The following SAMD5 variants were observed in gnomAD, a reference collection of about 807,000 sequenced individuals.
SAMD5 encodes the protein sterile alpha motif domain-containing protein 5.
A neutral mutation model predicts 11.3 loss-of-function variants in SAMD5; 13 were observed. That is an observed-to-expected ratio of 1.15 (90% CI 0.75 to 1.83). The LOEUF (loss-of-function observed/expected upper bound fraction) is 1.83, where lower values mean the gene tolerates loss of function less well. SAMD5 is among the 40% of genes most tolerant of loss of function. The pLI is 0.00. For missense variants in SAMD5, 255 were observed against 239.1 expected (o/e 1.07, Z -0.44); for synonymous variants, 129 against 111.3 (o/e 1.16, Z -1.00).
At chr6:147,816,302 ATATAT>A in the SAMD5 span, among the ~76,000 whole-genome samples, 99 of 43,218 alleles carry the variant, frequency 2.3e-3, no homozygotes, top group African/African-American at 3.7e-3. Context: ...AAAAAAAAAA[ATATAT>A]ATATATATAT....
chr6:147,821,497 T>C, the SAMD5 span, among the ~76,000 whole-genome samples: 42 of 152,286 alleles, frequency 2.8e-4, 3 homozygotes, highest in East Asian at 6.2e-3. Flanking sequence ...CTCTCACGGC[T>C]TTGCTCCAGA....
chr6:147,783,442 A>G, the SAMD5 span, among the ~76,000 whole-genome samples: 6 of 151,698 alleles, frequency 4.0e-5, no homozygotes, highest in Non-Finnish European at 8.8e-5. Flanking sequence ...GGCCCAGGCT[A>G]GCGTGCAGTG....
chr6:147,860,230 G>A, the SAMD5 span, among the ~76,000 whole-genome samples: 18 of 152,246 alleles, frequency 1.2e-4, no homozygotes, highest in East Asian at 1.9e-4. Context: ...CTGTCACATG[G>A]CATTCTCCCT....
chr6:147,935,528 T>C, the SAMD5 span, among the ~76,000 whole-genome samples: 35,617 of 152,120 alleles, frequency 0.23, 4,825 homozygotes, highest in African/African-American at 0.36. Flanking sequence ...TAATTCACAC[T>C]TAACATCATA....
chr6:147,546,896 A>G (rs1270152564), intron 1 of SAMD5, among the ~76,000 whole-genome samples: 3 of 152,186 alleles, frequency 2.0e-5, no homozygotes, highest in Non-Finnish European at 4.4e-5. Flanking sequence ...TCCTATCACT[A>G]GTGGCTTGGT....
the SAMD5 span, among the ~76,000 whole-genome samples, chr6:147,752,749 T>C: frequency 1.3e-5 from 2 of 152,164 alleles, no homozygotes; most frequent in African/African-American, 2.4e-5. Context: ...GGCACACTTA[T>C]GGAATCTGAC....
intron 1 of SAMD5, among the ~76,000 whole-genome samples, chr6:147,523,073 C>G (rs763986201): frequency 6.6e-6 from 1 of 152,082 alleles, no homozygotes; most frequent in Non-Finnish European, 1.5e-5. Context: ...ACTCACCTCC[C>G]CCTCAATCCC....
chr6:147,708,152 A>G (rs1043039595), intron 1 of SAMD5, among the ~76,000 whole-genome samples: 1 of 152,094 alleles, frequency 6.6e-6, no homozygotes, highest in African/African-American at 2.4e-5. Flanking sequence ...GTCTTTATGG[A>G]GGGTACTTAA....
At chr6:147,596,715 C>G (rs1285779535) in intron 1 of SAMD5, among the ~76,000 whole-genome samples, 1 of 152,266 alleles carries the variant, frequency 6.6e-6, no homozygotes, top group Non-Finnish European at 1.5e-5. Flanking sequence ...AACAATATTT[C>G]TTTTACAGTT....
intron 1 of SAMD5, among the ~76,000 whole-genome samples, chr6:147,696,420 T>C (rs1311818196): frequency 6.6e-6 from 1 of 152,164 alleles, no homozygotes; most frequent in African/African-American, 2.4e-5. Context: ...GAGTAACACA[T>C]AGGTCACTAA....
intron 1 of SAMD5, among the ~76,000 whole-genome samples, chr6:147,669,420 CTTTTTTTTTTT>C (rs55877273): frequency 4.0e-5 from 3 of 74,516 alleles, no homozygotes; most frequent in South Asian, 6.3e-4. Context: ...AGCTCCACTT[CTTTTTTTTTTT>C]TTTTTTTTTT....
At chr6:147,715,054 A>C (rs1439661602) in intron 1 of SAMD5, among the ~76,000 whole-genome samples, 1 of 152,164 alleles carries the variant, frequency 6.6e-6, no homozygotes, top group African/African-American at 2.4e-5. Flanking sequence ...GGTTACAGGA[A>C]AGGGTAGAGT....
chr6:147,548,929 G>C (rs540861148), intron 1 of SAMD5, among the ~76,000 whole-genome samples: 1 of 152,160 alleles, frequency 6.6e-6, no homozygotes, highest in Middle Eastern at 3.4e-3. Flanking sequence ...GACATGCTTT[G>C]GTTAATGAAA....
At chr6:147,805,322 T>C in the SAMD5 span, among the ~76,000 whole-genome samples, 28 of 152,354 alleles carry the variant, frequency 1.8e-4, no homozygotes, top group African/African-American at 6.5e-4. Flanking sequence ...ATTGTAAATA[T>C]TGACAGTGGG....
intron 1 of SAMD5, among the ~76,000 whole-genome samples, chr6:147,546,393 G>A (rs564608917): frequency 1.1e-4 from 17 of 152,134 alleles, no homozygotes; most frequent in Non-Finnish European, 2.4e-4. Flanking sequence ...TACCTGGTGT[G>A]GTGGCGCATG....
In SAMD5 at chr6:147,570,020, C is replaced by T. The variant is rs955535504; in HGVS notation, c.*5564C>T. 3 of 984,178 alleles carry T rather than the reference C, an allele frequency of 3.0e-6. No homozygotes were observed. Among genetic ancestry groups the T allele is most frequent in the African/African-American group, 1.7e-5 (1 of 57,214 alleles). 61.0% of individuals were successfully genotyped at this position (984,178 alleles called of 1,614,324 possible). ...TCAATAAATGTTACGGCTTTCACAG[C>T]GGTTCCGCCTTGGCCTCTTTTGTAA... On this transcript the variant is annotated 3_prime_UTR_variant, in exon 2 of 2. Coordinates refer to ENST00000367474, the MANE Select transcript of SAMD5 (RefSeq NM_001030060.3).
At chr6:147,834,914 G>A in the SAMD5 span, among the ~76,000 whole-genome samples, 1 of 152,242 alleles carries the variant, frequency 6.6e-6, no homozygotes, top group East Asian at 1.9e-4. Flanking sequence ...AGTACTATGT[G>A]ATTTTATCTT....
At chr6:147,877,915 C>A in the SAMD5 span, among the ~76,000 whole-genome samples, 59,416 of 92,776 alleles carry the variant, frequency 0.64, 15,928 homozygotes, top group Middle Eastern at 0.68. Flanking sequence ...AGATAGCTAG[C>A]TAGCTAGCTA....
the SAMD5 span, among the ~76,000 whole-genome samples, chr6:147,908,166 C>T: frequency 4.0e-4 from 61 of 152,306 alleles, no homozygotes; most frequent in East Asian, 5.6e-3. Context: ...TATATTCCTA[C>T]ATTTGCAGTG....
Sources: allele counts gnomAD v4.1 joint callset (sites outside exome capture counted in the v4.1 genomes callset), GRCh38; gene constraint gnomAD v4.1.1; transcripts MANE v1.5; gene names NCBI Gene and HGNC (gene_info 2026-07-23, HGNC 2026-07-21).